Variants in DCAKD observed in about 807,000 individuals in gnomAD.
DCAKD encodes the protein dephospho-CoA kinase domain containing.
In DCAKD, 15 loss-of-function variants were observed where a neutral mutation model predicts 18.7. The ratio of observed to expected loss-of-function variants is 0.80; its 90% confidence interval spans 0.54 to 1.24. The LOEUF (loss-of-function observed/expected upper bound fraction) is 1.24. DCAKD is among the 50% of genes most tolerant of loss of function. The pLI, the probability that DCAKD is intolerant of heterozygous loss-of-function variation, is 0.00. For synonymous variants in DCAKD, 130 were observed against 133.0 expected (o/e 0.98, Z 0.16); for missense variants, 301 against 322.0 (o/e 0.93, Z 0.50).
At position 45,034,860 on chromosome 17, in the gene DCAKD, C is replaced by T. The variant is rs765093253; in HGVS notation, c.26G>A (p.Gly9Asp). 1.5e-5 allele frequency: 25 copies of T among 1,614,014 alleles called. No individual in the cohort carries two copies. Among genetic ancestry groups the T allele is most frequent in the Non-Finnish European group, 2.1e-5 (25 of 1,180,014 alleles). Residue 9 changes from glycine (G) to aspartate (D), a missense_variant, in exon 2 of 5, where the codon GGC becomes GAC. Gly to Asp is a moderately conservative substitution (Grantham distance 94, BLOSUM62 -1). Coordinates refer to ENST00000651974, the MANE Select transcript of DCAKD (RefSeq NM_001288655.2). ...CACTGAGCTCTTGCCTGAGGCAATG[C>T]CCCCTGTCAGGCCCACCAGAAACAT... is the stretch of plus-strand genomic sequence containing the variant. MFLVGLTGGIASGKSSVIQ... is the reference protein window; with the variant it reads MFLVGLTGDIASGKSSVIQ...
intron 2 of DCAKD, 28 bp from the exon 3 acceptor site, chr17:45,034,418 C>T (rs747881153): frequency 6.2e-7 from 1 of 1,611,936 alleles, no homozygotes; most frequent in South Asian, 1.1e-5. Context: ...AGCTGGGTCA[C>T]TCCCTGAAGC....
chr17:45,060,966 CA>C, exon 1 of DCAKD: 1 of 1,012,374 alleles, frequency 9.9e-7, no homozygotes, highest in Non-Finnish European at 1.2e-6. Context: ...AGGCTGAAAT[CA>C]AACCTCGGAT....
At chr17:45,028,178 A>G (rs2053097203) in intron 4 of DCAKD, among the ~76,000 whole-genome samples, 1 of 139,130 alleles carries the variant, frequency 7.2e-6, no homozygotes, top group Middle Eastern at 4.5e-3. Context: ...GTGCGATCTC[A>G]GCTCACTCCA....
At position 45,034,393 on chromosome 17, in the gene DCAKD, G is replaced by A; in HGVS notation, c.113-3C>T. ...GGCAGGGTATCCTGGCTGCACGACT[G>A]TGGCAGGAGGAAGAAGCTGGGTCAC... On this transcript the variant is annotated splice_polypyrimidine_tract_variant and splice_region_variant and intron_variant, in intron 2 of 4. Transcript: ENST00000651974. 1 of 1,613,500 alleles carries A rather than the reference G, an allele frequency of 6.2e-7. No individual in the cohort carries two copies. The highest frequency in any genetic ancestry group is 8.5e-7 in the Non-Finnish European group (1 of 1,179,938).
chr17:45,035,411 G>A (rs954101312), intron 1 of DCAKD, among the ~76,000 whole-genome samples: 2 of 150,890 alleles, frequency 1.3e-5, no homozygotes, highest in African/African-American at 4.9e-5. Context: ...AACCTGGGAG[G>A]TGGAGGTTGC....
chr17:45,024,477 T>G lies in DCAKD; in HGVS notation c.652A>C (p.Ser218Arg). 6.2e-7 allele frequency: 1 copy of G among 1,613,112 alleles called. No homozygotes were observed. Among genetic ancestry groups the G allele is most frequent in the Non-Finnish European group, 8.5e-7 (1 of 1,179,168 alleles). ...TAGTGGGTGAGCAGGTAGAGGAGGC[T>G]GGCAATGGCAGCGAGCCCTGTGAGG... The part of the protein sequence containing the change: ...GVLTGLAAIA[S>R]LLYLLTHYLL... Residue 218 changes from serine (S) to arginine (R), a missense_variant, in exon 5 of 5, where the codon AGC becomes CGC. Transcript: ENST00000651974.
intron 1 of DCAKD, among the ~76,000 whole-genome samples, chr17:45,043,003 T>C (rs1047271392): frequency 1.3e-5 from 2 of 152,180 alleles, no homozygotes; most frequent in Admixed American, 1.3e-4. Flanking sequence ...ACTACTTTGT[T>C]GCCATTTATG....
chr17:45,030,118 G>C lies in DCAKD; in HGVS notation c.378C>G (p.Tyr126Ter). The change falls in exon 4 of 5, where the codon TAC becomes TAG. Residue 126 changes from tyrosine (Y) to a stop codon, truncating the protein, a stop_gained. Coordinates refer to ENST00000651974, the MANE Select transcript of DCAKD (RefSeq NM_001288655.2). LOFTEE classifies it high-confidence loss of function. The stretch of plus-strand genomic sequence containing the variant: ...AGTATACTACCACGGTGTGCTTCAT[G>C]TACTTGAGCAACTTCTTGGTCTCAA... Reference protein sequence around the residue: ...LLFETKKLLKYMKHTVVVYCD... With the variant: ...LLFETKKLLK The C allele has an allele frequency of 6.2e-7, 1 of 1,614,128 alleles. No homozygotes were observed. Among genetic ancestry groups the C allele is most frequent in the Non-Finnish European group, 8.5e-7 (1 of 1,179,992 alleles).
chr17:45,045,369 CCTCT>C (rs554906699), intron 1 of DCAKD, among the ~76,000 whole-genome samples: 4 of 152,180 alleles, frequency 2.6e-5, no homozygotes, highest in Non-Finnish European at 5.9e-5. Flanking sequence ...TTGCAATCTG[CCTCT>C]CTCTAAATCT....
chr17:45,027,846 C>T (rs764790002), intron 4 of DCAKD, among the ~76,000 whole-genome samples: 19 of 151,938 alleles, frequency 1.3e-4, no homozygotes, highest in Non-Finnish European at 2.6e-4. Flanking sequence ...CTTAGCCGGG[C>T]ATGGTGGCGT....
At chr17:45,061,106 G>A (rs2053846436), upstream of DCAKD, 4 of 1,322,748 alleles carry the variant, frequency 3.0e-6, no homozygotes, top group South Asian at 7.4e-5. Flanking sequence ...AAGCGTGGCC[G>A]AATGCCTAGG....
At chr17:45,042,406 C>G (rs1240033628) in intron 1 of DCAKD, among the ~76,000 whole-genome samples, 3 of 152,184 alleles carry the variant, frequency 2.0e-5, no homozygotes, top group African/African-American at 7.2e-5. Flanking sequence ...CCTTCTCATC[C>G]CCCATTCAAC....
intron 3 of DCAKD, among the ~76,000 whole-genome samples, chr17:45,032,600 T>C (rs1441048998): frequency 6.6e-6 from 1 of 151,650 alleles, no homozygotes; most frequent in Non-Finnish European, 1.5e-5. Context: ...CTGGCCAATA[T>C]AGTGAAACCC....
chr17:45,032,033 A>G (rs1041289055), intron 3 of DCAKD: 103 of 985,314 alleles, frequency 1.0e-4, no homozygotes, highest in Non-Finnish European at 1.1e-4. Flanking sequence ...ACACAGTGAA[A>G]GAGCTTTGGA....
intron 4 of DCAKD, among the ~76,000 whole-genome samples, chr17:45,028,515 T>A (rs1398108708): frequency 2.6e-5 from 4 of 151,230 alleles, no homozygotes; most frequent in Non-Finnish European, 4.4e-5. Flanking sequence ...GTTCAAGTGA[T>A]TCTCCTGCCT....
intron 1 of DCAKD, among the ~76,000 whole-genome samples, chr17:45,049,170 G>T (rs2053636033): frequency 6.6e-6 from 1 of 152,118 alleles, no homozygotes; most frequent in Non-Finnish European, 1.5e-5. Flanking sequence ...AAGCATGGTG[G>T]CTTACACCTC....
intron 3 of DCAKD, chr17:45,031,625 G>T (rs928379665): frequency 1.0e-6 from 1 of 985,172 alleles, no homozygotes; most frequent in African/African-American, 1.7e-5. Flanking sequence ...GATCCTCTCC[G>T]GGCCTCTTAT....
chr17:45,037,042 G>A (rs1166648029), intron 1 of DCAKD, among the ~76,000 whole-genome samples: 1 of 152,168 alleles, frequency 6.6e-6, no homozygotes, highest in African/African-American at 2.4e-5. Context: ...GGCAGCAGGG[G>A]ACCAACCTAG....
intron 3 of DCAKD, among the ~76,000 whole-genome samples, chr17:45,033,181 A>AAAAATAAAAT (rs10628158): frequency 0.06 from 9,081 of 151,036 alleles, 355 homozygotes; most frequent in Middle Eastern, 0.12. Flanking sequence ...CCCCATCTCT[A>AAAAATAAAAT]AAAATAAAAT....
Sources: allele counts gnomAD v4.1 joint callset (sites outside exome capture counted in the v4.1 genomes callset), GRCh38; gene constraint gnomAD v4.1.1; transcripts MANE v1.5; gene names NCBI Gene and HGNC (gene_info 2026-07-23, HGNC 2026-07-21).